Variants in TRIM71 observed in about 807,000 individuals in gnomAD.
TRIM71 encodes the protein tripartite motif containing 71.
In TRIM71, 9 loss-of-function variants were observed where a neutral mutation model predicts 61.2. That is an observed-to-expected ratio of 0.15 (90% CI 0.09 to 0.26). TRIM71 has a LOEUF of 0.26. TRIM71 is among the 10% of genes least tolerant of loss of function. The pLI is 1.00. For synonymous variants in TRIM71, 645 were observed against 553.2 expected (o/e 1.17, Z -2.33); for missense variants, 998 against 1,238.7 (o/e 0.81, Z 2.92).
At chr3:32,871,416 G>A (rs1696793873) in intron 1 of TRIM71, among the ~76,000 whole-genome samples, 1 of 152,148 alleles carries the variant, frequency 6.6e-6, no homozygotes, top group African/African-American at 2.4e-5. Context: ...AAGCAGGGAG[G>A]CCACCCGAAG....
intron 1 of TRIM71, among the ~76,000 whole-genome samples, chr3:32,866,514 A>G (rs1696738273): frequency 6.6e-6 from 1 of 152,220 alleles, no homozygotes; most frequent in Non-Finnish European, 1.5e-5. Context: ...GGCGTGAGCC[A>G]CCACGCCTGA....
intron 1 of TRIM71, among the ~76,000 whole-genome samples, chr3:32,827,782 G>T (rs55774832): frequency 0.25 from 38,670 of 152,010 alleles, 5,478 homozygotes; most frequent in African/African-American, 0.38. Context: ...GGTCAATCAG[G>T]TCAGGCGCCT....
intron 1 of TRIM71, among the ~76,000 whole-genome samples, chr3:32,831,625 G>A (rs1007097050): frequency 5.0e-5 from 7 of 141,150 alleles, no homozygotes; most frequent in South Asian, 2.3e-4. Context: ...TGCAACCTCC[G>A]ACTCGGGTTC....
At chr3:32,839,522 C>T (rs1364895405) in intron 1 of TRIM71, among the ~76,000 whole-genome samples, 1 of 152,096 alleles carries the variant, frequency 6.6e-6, no homozygotes, top group Non-Finnish European at 1.5e-5. Flanking sequence ...AGCCACAGCC[C>T]CCGGAAGACG....
chr3:32,881,615 C>A (rs1327395692), intron 2 of TRIM71, among the ~76,000 whole-genome samples: 1 of 152,244 alleles, frequency 6.6e-6, no homozygotes, highest in East Asian at 1.9e-4. Flanking sequence ...GATCTGTTAA[C>A]ATCCCAAAGA....
chr3:32,863,926 C>T (rs531316485), intron 1 of TRIM71, among the ~76,000 whole-genome samples: 1 of 152,294 alleles, frequency 6.6e-6, no homozygotes, highest in African/African-American at 2.4e-5. Flanking sequence ...AAATGGTCCA[C>T]CCGCCTCGGC....
chr3:32,857,474 A>ATG (rs1696618250), intron 1 of TRIM71, among the ~76,000 whole-genome samples: 1 of 152,172 alleles, frequency 6.6e-6, no homozygotes, highest in Non-Finnish European at 1.5e-5. Context: ...CCCTTGAACA[A>ATG]TGTGGGGGGT....
intron 1 of TRIM71, 134 bp downstream of exon 1, chr3:32,819,066 C>T (rs981653450): frequency 2.1e-6 from 2 of 972,166 alleles, no homozygotes; most frequent in Non-Finnish European, 3.1e-6. Flanking sequence ...GGCTACGTGG[C>T]AGTCCTTGCT....
intron 1 of TRIM71, among the ~76,000 whole-genome samples, chr3:32,827,514 G>A (rs1448254019): frequency 6.6e-6 from 1 of 152,110 alleles, no homozygotes; most frequent in African/African-American, 2.4e-5. Flanking sequence ...TGCCGCCTCA[G>A]CCTCCCAAAG....
At chr3:32,889,926 A>C (rs138474760) in intron 3 of TRIM71, among the ~76,000 whole-genome samples, 65 of 151,978 alleles carry the variant, frequency 4.3e-4, no homozygotes, top group Admixed American at 2.6e-3. Flanking sequence ...GTATGTGTAT[A>C]TATGTTTGTG....
chr3:32,856,842 ACCACGC>A (rs1234925867), intron 1 of TRIM71, among the ~76,000 whole-genome samples: 2 of 152,126 alleles, frequency 1.3e-5, no homozygotes, highest in Non-Finnish European at 2.9e-5. Context: ...CGGGCTCATG[ACCACGC>A]CTTTTCTTTC....
At chr3:32,854,793 CTTCT>C (rs1181848256) in intron 1 of TRIM71, among the ~76,000 whole-genome samples, 2 of 152,210 alleles carry the variant, frequency 1.3e-5, no homozygotes, top group African/African-American at 4.8e-5. Context: ...TATTTCCTTC[CTTCT>C]GTTTGTTCAA....
In TRIM71 at chr3:32,890,589, C is replaced by T. The variant is rs969660574; in HGVS notation, c.1385C>T (p.Thr462Ile). 4 of 1,613,906 alleles carry T rather than the reference C, an allele frequency of 2.5e-6. No homozygotes were observed. The highest frequency in any genetic ancestry group is 3.4e-6 in the Non-Finnish European group (4 of 1,180,040). Residue 462 changes from threonine (T) to isoleucine (I), a missense_variant, in exon 4 of 4, where the codon ACA (threonine) becomes ATA (isoleucine). Thr to Ile is a moderately conservative substitution (Grantham distance 89). Coordinates refer to ENST00000383763, the MANE Select transcript of TRIM71 (RefSeq NM_001039111.3). The surrounding 1 kb of genome is among the most constrained non-coding windows in gnomAD (Gnocchi z 6.2). ...CAGGAAGACGACCGAGTCATGTTCACACCCCCCGATCAGGCACTGTACCTT... is the reference window on the plus strand; with the variant it reads ...CAGGAAGACGACCGAGTCATGTTCATACCCCCCGATCAGGCACTGTACCTT... ...QPQEDDRVMF[T>I]PPDQALYLAI...
intron 1 of TRIM71, among the ~76,000 whole-genome samples, chr3:32,855,464 T>G (rs1167558171): frequency 1.3e-5 from 2 of 151,894 alleles, no homozygotes; most frequent in African/African-American, 2.4e-5. Context: ...AGGAGTGAAG[T>G]GGGGGAGCCT....
In TRIM71 at chr3:32,891,829, C is replaced by G; in HGVS notation, c.*18C>G. ...TCTTCTAATTGCATTTCCTAGGTTT[C>G]TGTGTTTGGGGTGTGTGTGCGTGTC... On this transcript the variant is annotated 3_prime_UTR_variant, in exon 4 of 4. Coordinates refer to ENST00000383763, the MANE Select transcript of TRIM71 (RefSeq NM_001039111.3). This position sits in a 1 kb window ranked among gnomAD's most constrained non-coding sequence, Gnocchi z 8.2. The G allele has an allele frequency of 1.2e-6, 2 of 1,610,800 alleles. No individual in the cohort carries two copies. Among genetic ancestry groups the G allele is most frequent in the Non-Finnish European group, 1.7e-6 (2 of 1,179,374 alleles).
intron 1 of TRIM71, among the ~76,000 whole-genome samples, chr3:32,840,726 C>T (rs143956681): frequency 6.6e-6 from 1 of 152,132 alleles, no homozygotes; most frequent in Non-Finnish European, 1.5e-5. Context: ...GCTCTTTGTT[C>T]AGCAGGAATG....
In TRIM71 at chr3:32,892,388, G is replaced by T. The variant is rs886973951; in HGVS notation, c.*577G>T. On this transcript the variant is annotated 3_prime_UTR_variant, in exon 4 of 4. Coordinates refer to ENST00000383763, the MANE Select transcript of TRIM71 (RefSeq NM_001039111.3). ...ATGTTGTGTTGTTTTGATCTTTTTG[G>T]AAAATCTTCTCTTTTTAAATGCTGC... The T allele has an allele frequency of 1.3e-5, 2 of 152,208 alleles. No individual in the cohort carries two copies. Among genetic ancestry groups the T allele is most frequent in the African/African-American group, 4.8e-5 (2 of 41,414 alleles). The allele number at this position is 152,208 out of a possible 1,614,324, so 9.4% of individuals were successfully genotyped here.
At chr3:32,876,965 A>G (rs1241594631) in intron 2 of TRIM71, among the ~76,000 whole-genome samples, 1 of 152,028 alleles carries the variant, frequency 6.6e-6, no homozygotes, top group Non-Finnish European at 1.5e-5. Flanking sequence ...TGTTAGTTGA[A>G]AGTGTGTGCC....
rs1023488656 is a variant in TRIM71, at chr3:32,897,254, A to G, written c.*5443A>G. ...ATGTGGGCAAGTTGCCTTATGTTAG[A>G]ATGACTAAGTTAAACCTCTTAATTT... On this transcript the variant is annotated 3_prime_UTR_variant, in exon 4 of 4. Coordinates refer to ENST00000383763, the MANE Select transcript of TRIM71 (RefSeq NM_001039111.3). The G allele has an allele frequency of 2.6e-5, 4 of 152,030 alleles. No homozygotes were observed. Among genetic ancestry groups the G allele is most frequent in the African/African-American group, 9.7e-5 (4 of 41,372 alleles). The allele number at this position is 152,030 out of a possible 1,614,324, so 9.4% of individuals were successfully genotyped here.
Sources: allele counts gnomAD v4.1 joint callset (sites outside exome capture counted in the v4.1 genomes callset), GRCh38; gene constraint gnomAD v4.1.1; non-coding constraint Gnocchi (gnomAD v3.1); transcripts MANE v1.5; gene names NCBI Gene and HGNC (gene_info 2026-07-23, HGNC 2026-07-21).